PITPNM3: variants seen among roughly 807,000 people sequenced by gnomAD.
PITPNM3 encodes membrane-associated phosphatidylinositol transfer protein 3.
PITPNM3 carries 26 observed loss-of-function variants against 102.0 expected under a neutral mutation model. The observed-to-expected ratio is 0.25, with a 90% CI of 0.19 to 0.35. The LOEUF is 0.35. Ranked by LOEUF, PITPNM3 falls within the 10% of genes least tolerant of loss-of-function variation. The pLI, the probability that PITPNM3 is intolerant of heterozygous loss-of-function variation, is 1.00. For synonymous variants in PITPNM3, 578 were observed against 558.6 expected, an observed-to-expected ratio of 1.03 and a Z score of -0.49; for missense variants, 1,083 against 1,346.1, an observed-to-expected ratio of 0.80 and a Z score of 3.06.
chr17:6,504,976 A>T (rs1597389727), intron 3 of PITPNM3, among the ~76,000 whole-genome samples: 2 of 151,980 alleles, frequency 1.3e-5, no homozygotes, highest in African/African-American at 4.8e-5. Flanking sequence ...GGGGTTTGAG[A>T]CCAGCCTGGC....
intron 1 of PITPNM3, among the ~76,000 whole-genome samples, chr17:6,553,707 C>A (rs1316403337): frequency 6.6e-6 from 1 of 152,188 alleles, no homozygotes; most frequent in Non-Finnish European, 1.5e-5. Flanking sequence ...AGCCTCCACT[C>A]CTGGCCTTCA....
chr17:6,499,227 G>A (rs550379772), intron 4 of PITPNM3, among the ~76,000 whole-genome samples: 2 of 152,268 alleles, frequency 1.3e-5, no homozygotes, highest in South Asian at 2.1e-4. Context: ...CTGCCAGGCC[G>A]CCTGCCCAAC....
chr17:6,461,534 T>G lies in PITPNM3; in HGVS notation c.2329A>C (p.Met777Leu), dbSNP rs776064719. 1.9e-6 allele frequency: 3 copies of G among 1,614,216 alleles called. No homozygotes were observed. The highest frequency in any genetic ancestry group is 3.3e-5 in the Admixed American group (2 of 60,030). Reference protein sequence around the residue: ...VVRHWQDLGYMILYITGRPDM... With the variant: ...VVRHWQDLGYLILYITGRPDM... ...GGCCGTCCCGTGATGTAAAGGATCA[T>G]GTAGCCCAAGTCCTGCCAGTGCCTG... Residue 777 changes from methionine to leucine, a missense_variant, in exon 18 of 20, where the codon ATG becomes CTG. Around this residue, in one of 5 missense-constraint regions of PITPNM3, gnomAD observed 410 missense variants for 638.4 expected, o/e 0.64. Coordinates refer to ENST00000262483, the MANE Select transcript of PITPNM3 (RefSeq NM_031220.4).
At chr17:6,505,030 C>T (rs1907404870) in intron 3 of PITPNM3, among the ~76,000 whole-genome samples, 1 of 151,836 alleles carries the variant, frequency 6.6e-6, no homozygotes. Context: ...AAAAACTAGC[C>T]AGGCGTGGTG....
At chr17:6,471,488 C>A in intron 11 of PITPNM3, 133 bp from the exon 12 acceptor site, 1 of 874,222 alleles carries the variant, frequency 1.1e-6, no homozygotes, top group Non-Finnish European at 1.7e-6. Context: ...CTTGCCAGCC[C>A]AGCAGGCACC....
At chr17:6,552,902 G>A (rs1260090137) in intron 1 of PITPNM3, among the ~76,000 whole-genome samples, 1 of 151,846 alleles carries the variant, frequency 6.6e-6, no homozygotes, top group Non-Finnish European at 1.5e-5. Context: ...AAGAAGCTGG[G>A]ACTACAGGCG....
Position 6,483,820 on chromosome 17 carries a change from C to A in PITPNM3, c.352-68G>T, listed in dbSNP as rs952952901. ...GGGTCGGGGGAGGCACACAGGGACACACACACACATGTGCGCATACACACA... is the reference window on the plus strand; with the variant it reads ...GGGTCGGGGGAGGCACACAGGGACAAACACACACATGTGCGCATACACACA... On this transcript the variant is annotated intron_variant, in intron 5 of 19. Transcript: ENST00000262483. The A allele has an allele frequency of 9.7e-6, 13 of 1,336,278 alleles. No individual in the cohort carries two copies. The African/African-American group carries it at 1.7e-4, about 18-fold the overall frequency. 82.8% of individuals were successfully genotyped at this position (1,336,278 alleles called of 1,614,324 possible).
rs1909524650 is a variant in PITPNM3 at position 6,537,847 on chromosome 17, A to G, written c.118+140T>C. The G allele has an allele frequency of 1.3e-6, 1 of 775,046 alleles. No individual in the cohort carries two copies. Among genetic ancestry groups the G allele is most frequent in the East Asian group, 2.7e-5 (1 of 37,194 alleles). The allele number at this position is 775,046 out of a possible 1,614,324, so 48.0% of individuals were successfully genotyped here. On this transcript the variant is annotated intron_variant, in intron 2 of 19. Transcript: ENST00000262483. This position sits in a 1 kb window ranked among gnomAD's most constrained non-coding sequence, Gnocchi z 4.4. ...CTGAGCCCCTGCTCTTGGCACATCC[A>G]CAGGATGGGTAAGTATGGAGTGTGG... is the stretch of plus-strand genomic sequence containing the variant.
Position 6,491,836 on chromosome 17 carries a change from T to TATATATATATATATATAA in PITPNM3, c.275-7545_275-7544insTTATATATATATATATAT, listed in dbSNP as rs148932496. 1.3e-3 allele frequency among the ~76,000 whole-genome samples: 181 copies of TATATATATATATATATAA among 139,274 alleles called. 7 individuals are homozygous for TATATATATATATATATAA. Among genetic ancestry groups the TATATATATATATATATAA allele is most frequent in the Middle Eastern group, 3.8e-3 (1 of 264 alleles). The allele number at this position is 139,274 out of a possible 152,430, so 91.4% of individuals were successfully genotyped here. On this transcript the variant is annotated intron_variant, in intron 4 of 19. Coordinates refer to ENST00000262483, the MANE Select transcript of PITPNM3 (RefSeq NM_031220.4). ...AATGGAATATATATATATATATATATAATAAAGAATTAATTAAGAATTAAG... is the reference window on the plus strand; with the variant it reads ...AATGGAATATATATATATATATATATATATATATATATATATAAAATAAAGAATTAATTAAGAATTAAG...
At chr17:6,486,392 C>T (rs764843540) in intron 4 of PITPNM3, among the ~76,000 whole-genome samples, 4 of 152,140 alleles carry the variant, frequency 2.6e-5, no homozygotes, top group African/African-American at 7.2e-5. Flanking sequence ...AGGGGCTTTG[C>T]GGGCAACCCT....
chr17:6,548,672 C>T (rs570546971), intron 1 of PITPNM3, among the ~76,000 whole-genome samples: 1 of 152,130 alleles, frequency 6.6e-6, no homozygotes, highest in Non-Finnish European at 1.5e-5. Flanking sequence ...CAAGTGAAAG[C>T]CTTCCAGCTG....
chr17:6,488,417 G>A (rs1408738616), intron 4 of PITPNM3, among the ~76,000 whole-genome samples: 1 of 152,052 alleles, frequency 6.6e-6, no homozygotes, highest in East Asian at 1.9e-4. Flanking sequence ...CTATCCCATA[G>A]TATGCGGCAC....
Position 6,556,477 on chromosome 17 carries a change from C to A in PITPNM3, c.-71G>T. 1 of 1,067,712 alleles carries A rather than the reference C, an allele frequency of 9.4e-7. No homozygotes were observed. Among genetic ancestry groups the A allele is most frequent in the Non-Finnish European group, 1.1e-6 (1 of 881,442 alleles). 66.1% of individuals were successfully genotyped at this position (1,067,712 alleles called of 1,614,324 possible). ...TTCCCGGGCCCGGCCCCGACCGCCTCCGGCCCCGAACGGACTCCGAGCGCC... is the reference window on the plus strand; with the variant it reads ...TTCCCGGGCCCGGCCCCGACCGCCTACGGCCCCGAACGGACTCCGAGCGCC... On this transcript the variant is annotated 5_prime_UTR_variant, in exon 1 of 20. Transcript: ENST00000262483. This position sits in a 1 kb window ranked among gnomAD's most constrained non-coding sequence, Gnocchi z 5.2.
intron 3 of PITPNM3, among the ~76,000 whole-genome samples, chr17:6,515,619 T>C (rs1204197883): frequency 6.6e-6 from 1 of 152,096 alleles, no homozygotes; most frequent in Non-Finnish European, 1.5e-5. Context: ...TGTGCCTCCT[T>C]AGATCATTCA....
chr17:6,552,258 C>A (rs1910350712), intron 1 of PITPNM3, among the ~76,000 whole-genome samples: 1 of 152,124 alleles, frequency 6.6e-6, no homozygotes, highest in African/African-American at 2.4e-5. Flanking sequence ...CTGAGAGGTG[C>A]CAAGACCCTC....
At chr17:6,521,947 TCTTTGCGGAAGCG>T (rs1908550437) in intron 3 of PITPNM3, among the ~76,000 whole-genome samples, 2 of 152,086 alleles carry the variant, frequency 1.3e-5, no homozygotes, top group African/African-American at 4.8e-5. Context: ...AAAAGAACCT[TCTTTGCGGAAGCG>T]GCAAAGAAAC....
chr17:6,457,106 CAAGCT>C lies in PITPNM3; in HGVS notation c.2619+483_2619+487del, dbSNP rs1914150941. On this transcript the variant is annotated intron_variant, in intron 19 of 19. Transcript: ENST00000262483. The surrounding 1 kb of genome is among the most constrained non-coding windows in gnomAD (Gnocchi z 4.7). ...CCTCCCAGCTCACGTCCCATGCAGC[CAAGCT>C]GAGTCACTGGCAGTTCCCAGAATAT... 1.3e-5 allele frequency among the ~76,000 whole-genome samples: 2 copies of C among 152,116 alleles called. No individual in the cohort carries two copies. The highest frequency in any genetic ancestry group is 2.9e-5 in the Non-Finnish European group (2 of 68,012).
At chr17:6,490,670 G>A (rs1209810216) in intron 4 of PITPNM3, among the ~76,000 whole-genome samples, 2 of 151,956 alleles carry the variant, frequency 1.3e-5, no homozygotes, top group African/African-American at 4.8e-5. Context: ...AAAGGAAGCA[G>A]TGGGGCCGGG....
intron 2 of PITPNM3, among the ~76,000 whole-genome samples, chr17:6,529,435 A>T (rs1209030093): frequency 1.3e-5 from 2 of 152,044 alleles, no homozygotes; most frequent in African/African-American, 2.4e-5. Context: ...TCTACTAAAA[A>T]TACAAAAAAT....
Sources: gnomAD v4.1 joint callset for allele counts (sites outside exome capture counted in the v4.1 genomes callset) on GRCh38, gnomAD v4.1.1 for gene constraint, gnomAD v4.1.1 regional missense constraint, Gnocchi (gnomAD v3.1) non-coding constraint, MANE v1.5 for transcripts, NCBI Gene and HGNC (gene_info 2026-07-23, HGNC 2026-07-21) for gene names.